NCAM2: variants seen among roughly 807,000 people sequenced by gnomAD.
The protein encoded by NCAM2 is neural cell adhesion molecule 2, also known as N-CAM-2.
A neutral mutation model predicts 98.1 loss-of-function variants in NCAM2; 30 were observed. The observed-to-expected ratio is 0.31, with a 90% confidence interval of 0.23 to 0.41. The LOEUF (loss-of-function observed/expected upper bound fraction) is 0.41, where lower values mean the gene tolerates loss of function less well. Among genes scored for constraint, NCAM2 ranks in the 10% least tolerant of loss-of-function variants. The pLI is 1.00. For missense variants in NCAM2, 867 were observed against 1,005.8 expected (o/e 0.86, Z 1.87); for synonymous variants, 368 against 342.4 (o/e 1.07, Z -0.83).
intron 9 of NCAM2, among the ~76,000 whole-genome samples, chr21:21,395,354 A>AT (rs1404564863): frequency 6.6e-6 from 1 of 152,334 alleles, no homozygotes; most frequent in East Asian, 1.9e-4. Context: ...AGAAAAAAAA[A>AT]GAAAAATAAT....
intron 11 of NCAM2, among the ~76,000 whole-genome samples, chr21:21,428,929 T>C (rs2077270783): frequency 6.6e-6 from 1 of 152,240 alleles, no homozygotes; most frequent in African/African-American, 2.4e-5. Flanking sequence ...TACATGTATC[T>C]ATCTGTATGC....
chr21:21,468,555 G>C (rs1984020070), intron 13 of NCAM2, 107 bp from the exon 14 acceptor site: 5 of 1,105,482 alleles, frequency 4.5e-6, no homozygotes, highest in Non-Finnish European at 5.0e-6. Context: ...GTAAATCCAG[G>C]ATAACACCAT....
At chr21:21,384,697 A>G (rs1485625174) in intron 9 of NCAM2, among the ~76,000 whole-genome samples, 1 of 152,036 alleles carries the variant, frequency 6.6e-6, no homozygotes, top group Non-Finnish European at 1.5e-5. Flanking sequence ...CATGTAAATA[A>G]TGTTTAAAGT....
In NCAM2 at chr21:21,360,126, C is replaced by A. The variant is rs232489; in HGVS notation, c.1045-13737C>A. The stretch of plus-strand genomic sequence containing the variant: ...GTTGAGCTTAAGCATGCAACAAAAA[C>A]CAGTGCGTAAGATAATACTGCTTTC... On this transcript the variant is annotated intron_variant, in intron 8 of 17. Coordinates refer to ENST00000400546, the MANE Select transcript of NCAM2 (RefSeq NM_004540.5). Among the ~76,000 whole-genome samples, 1,361 of 151,798 alleles carry A rather than the reference C, an allele frequency of 9.0e-3. 20 individuals carry two copies. Among genetic ancestry groups the A allele is most frequent in the African/African-American group, 0.031 (1,266 of 41,466 alleles).
At chr21:21,446,020 A>G (rs980965449) in intron 12 of NCAM2, among the ~76,000 whole-genome samples, 2 of 152,150 alleles carry the variant, frequency 1.3e-5, no homozygotes, top group African/African-American at 4.8e-5. Flanking sequence ...TTTGCAGGGC[A>G]GGCCTGGTGG....
At chr21:21,040,426 T>C (rs2064881499) in intron 1 of NCAM2, among the ~76,000 whole-genome samples, 1 of 152,132 alleles carries the variant, frequency 6.6e-6, no homozygotes, top group South Asian at 2.1e-4. Flanking sequence ...TATATATCTT[T>C]TCCAGTCTTA....
chr21:21,260,060 G>A (rs552641841), intron 1 of NCAM2, among the ~76,000 whole-genome samples: 2 of 150,716 alleles, frequency 1.3e-5, no homozygotes, highest in African/African-American at 4.9e-5. Context: ...AATAAAAGTG[G>A]AATTATGAGC....
intron 14 of NCAM2, among the ~76,000 whole-genome samples, chr21:21,473,393 T>TATATATATATATATA (rs1555903518): frequency 7.9e-6 from 1 of 126,248 alleles, no homozygotes; most frequent in African/African-American, 3.0e-5. Flanking sequence ...TATATATATA[T>TATATATATATATATA]TATATATAAA....
intron 1 of NCAM2, among the ~76,000 whole-genome samples, chr21:21,165,872 T>C (rs111686998): frequency 6.6e-6 from 1 of 152,278 alleles, no homozygotes; most frequent in African/African-American, 2.4e-5. Context: ...TATAAGTCAT[T>C]TGGGGTCAAA....
intron 1 of NCAM2, among the ~76,000 whole-genome samples, chr21:21,177,376 A>T (rs918810904): frequency 4.3e-5 from 1 of 23,278 alleles, no homozygotes; most frequent in African/African-American, 1.8e-4. Flanking sequence ...ATATCTTTAA[A>T]AGTGCATTTG....
At chr21:21,534,403 A>T in intron 16 of NCAM2, 134 bp from the exon 17 acceptor site, 1 of 633,864 alleles carries the variant, frequency 1.6e-6, no homozygotes, top group Non-Finnish European at 2.4e-6. Flanking sequence ...AGCATTTCTC[A>T]GTGGTTTTCT....
intron 17 of NCAM2, among the ~76,000 whole-genome samples, chr21:21,536,657 T>C (rs1989999413): frequency 6.6e-6 from 1 of 152,176 alleles, no homozygotes; most frequent in Admixed American, 6.5e-5. Context: ...CCCAAAGTGC[T>C]AGGATTAGAG....
chr21:21,436,154 G>A (rs1290993505), intron 12 of NCAM2, among the ~76,000 whole-genome samples: 1 of 152,194 alleles, frequency 6.6e-6, no homozygotes, highest in African/African-American at 2.4e-5. Context: ...TATATTTACT[G>A]TAAATTGACA....
At chr21:21,122,460 A>C (rs978458561) in intron 1 of NCAM2, among the ~76,000 whole-genome samples, 1 of 152,350 alleles carries the variant, frequency 6.6e-6, no homozygotes, top group East Asian at 1.9e-4. Context: ...AATTTCCACA[A>C]TAATGCTGTA....
At chr21:21,430,239 G>C (rs1026529299) in intron 11 of NCAM2, among the ~76,000 whole-genome samples, 2 of 151,568 alleles carry the variant, frequency 1.3e-5, no homozygotes, top group Non-Finnish European at 2.9e-5. Context: ...TGTTGACCAG[G>C]CTGGTCTCAA....
chr21:21,080,674 A>C (rs560819328), intron 1 of NCAM2, among the ~76,000 whole-genome samples: 3,367 of 146,444 alleles, frequency 0.023, 126 homozygotes, highest in African/African-American at 0.081. Flanking sequence ...AAAAAAAAAA[A>C]AAAAAACCAA....
intron 16 of NCAM2, among the ~76,000 whole-genome samples, chr21:21,517,674 A>G (rs1264474916): frequency 6.6e-6 from 1 of 152,062 alleles, no homozygotes; most frequent in Non-Finnish European, 1.5e-5. Context: ...CCTGGCCAAC[A>G]TAGCTAAACC....
At chr21:21,160,510 T>TA (rs1185774491) in intron 1 of NCAM2, among the ~76,000 whole-genome samples, 1 of 151,992 alleles carries the variant, frequency 6.6e-6, no homozygotes, top group African/African-American at 2.4e-5. Context: ...CAATATTTTC[T>TA]AAAATCTTTA....
intron 12 of NCAM2, among the ~76,000 whole-genome samples, chr21:21,448,403 G>A (rs528862453): frequency 6.6e-6 from 1 of 152,030 alleles, no homozygotes; most frequent in Non-Finnish European, 1.5e-5. Context: ...GTGTGTGGGG[G>A]CAAAAGGAGG....
Sources: gnomAD v4.1 joint callset for allele counts (sites outside exome capture counted in the v4.1 genomes callset) on GRCh38, gnomAD v4.1.1 for gene constraint, MANE v1.5 for transcripts, NCBI Gene and HGNC (gene_info 2026-07-23, HGNC 2026-07-21) for gene names.